The following ESR1 variants were observed in gnomAD, a reference collection of about 807,000 sequenced individuals.
ESR1 encodes estrogen receptor.
ESR1 carries 12 observed loss-of-function variants against 52.7 expected under a neutral mutation model. That is an observed-to-expected ratio of 0.23 (90% CI 0.15 to 0.37). The LOEUF is 0.37. Among genes scored for constraint, ESR1 ranks in the 10% least tolerant of loss-of-function variants. The pLI, the probability that ESR1 is intolerant of heterozygous loss-of-function variation, is 1.00. For missense variants in ESR1, 584 were observed against 779.7 expected (o/e 0.75, Z 2.99); for synonymous variants, 305 against 316.8 (o/e 0.96, Z 0.39).
chr6:151,955,014 G>A (rs118063905), intron 4 of ESR1, among the ~76,000 whole-genome samples: 2,999 of 152,260 alleles, frequency 0.02, 56 homozygotes, highest in East Asian at 0.091. Flanking sequence ...AGATTTACAA[G>A]TATGTAAATA....
At chr6:151,747,874 C>T (rs1489876179) in intron 2 of ESR1, among the ~76,000 whole-genome samples, 1 of 152,106 alleles carries the variant, frequency 6.6e-6, no homozygotes, top group Non-Finnish European at 1.5e-5. Context: ...ATTTTATTTT[C>T]TCATTCATGA....
At position 151,776,007 on chromosome 6, in the gene ESR1, A is replaced by T. The variant is rs115803285; in HGVS notation, c.-70-31836A>T. On this transcript the variant is annotated intron_variant, in intron 2 of 2. Transcript: ENST00000404742. ...TTCATGTAAGAATGAAGGTGAGCGG[A>T]TCTTAAATCCCTGAAAGGAGGCAGA... 5.6e-3 allele frequency among the ~76,000 whole-genome samples: 858 copies of T among 152,286 alleles called. 8 individuals are homozygous for T. Among genetic ancestry groups the T allele is most frequent in the African/African-American group, 0.02 (817 of 41,538 alleles).
At chr6:151,914,916 A>G (rs1488459100) in intron 3 of ESR1, among the ~76,000 whole-genome samples, 1 of 152,228 alleles carries the variant, frequency 6.6e-6, no homozygotes, top group Non-Finnish European at 1.5e-5. Context: ...TTTTTGATAA[A>G]TGTACTACAT....
At chr6:151,953,541 T>C (rs2036557873) in intron 4 of ESR1, among the ~76,000 whole-genome samples, 1 of 151,990 alleles carries the variant, frequency 6.6e-6, no homozygotes, top group Non-Finnish European at 1.5e-5. Flanking sequence ...GCCAACATGG[T>C]GAAACCCTGT....
chr6:151,701,404 C>T (rs1352741722), intron 1 of ESR1, among the ~76,000 whole-genome samples: 1 of 151,464 alleles, frequency 6.6e-6, no homozygotes, highest in Non-Finnish European at 1.5e-5. Context: ...TGGTGTGCGC[C>T]TGTAGTCCCA....
At chr6:151,913,597 T>A (rs1798612380) in intron 3 of ESR1, among the ~76,000 whole-genome samples, 1 of 152,210 alleles carries the variant, frequency 6.6e-6, no homozygotes, top group Non-Finnish European at 1.5e-5. Context: ...ACAATACCTA[T>A]GAAGATTAAT....
intron 2 of ESR1, among the ~76,000 whole-genome samples, chr6:151,733,176 C>A (rs1238878699): frequency 6.6e-6 from 1 of 152,172 alleles, no homozygotes; most frequent in South Asian, 2.1e-4. Context: ...TCCCATTTTA[C>A]AGTTGAGGAA....
intron 2 of ESR1, among the ~76,000 whole-genome samples, chr6:151,870,595 A>G (rs917927244): frequency 1.3e-5 from 2 of 152,166 alleles, no homozygotes; most frequent in Non-Finnish European, 2.9e-5. Flanking sequence ...CAAGTGAGTC[A>G]ACTTCTTGGA....
intron 1 of ESR1, among the ~76,000 whole-genome samples, chr6:151,835,326 G>A (rs1011755081): frequency 1.3e-5 from 2 of 152,166 alleles, no homozygotes; most frequent in African/African-American, 4.8e-5. Flanking sequence ...CCAGGGGAGG[G>A]GTGTGGGACA....
chr6:151,828,274 G>A (rs912078542), intron 1 of ESR1, among the ~76,000 whole-genome samples: 4 of 152,178 alleles, frequency 2.6e-5, no homozygotes, highest in Non-Finnish European at 5.9e-5. Context: ...TGCATTGGCT[G>A]CCTCCTATTT....
chr6:151,696,507 TAA>T (rs1241212298), intron 1 of ESR1, among the ~76,000 whole-genome samples: 2 of 151,150 alleles, frequency 1.3e-5, no homozygotes, highest in African/African-American at 2.4e-5. Flanking sequence ...AATAAATAAA[TAA>T]ATAAATAAAT....
intron 2 of ESR1, among the ~76,000 whole-genome samples, chr6:151,878,397 G>A (rs1040401072): frequency 8.5e-5 from 13 of 152,138 alleles, no homozygotes; most frequent in Non-Finnish European, 1.5e-4. Flanking sequence ...TAGTTTGCTG[G>A]TTTCTGTTAT....
chr6:151,915,117 C>A (rs927043030), intron 3 of ESR1, among the ~76,000 whole-genome samples: 1 of 151,740 alleles, frequency 6.6e-6, no homozygotes, highest in African/African-American at 2.4e-5. Context: ...ATTGCTTGAA[C>A]CAGGGAGTCG....
chr6:151,801,579 G>A (rs1265764067), upstream of ESR1, among the ~76,000 whole-genome samples: 1 of 152,188 alleles, frequency 6.6e-6, no homozygotes, highest in Non-Finnish European at 1.5e-5. Flanking sequence ...GTGATTCTTG[G>A]TCACAAATCA....
At chr6:151,862,661 G>A (rs190688684) in intron 2 of ESR1, among the ~76,000 whole-genome samples, 16 of 152,220 alleles carry the variant, frequency 1.1e-4, no homozygotes, top group East Asian at 7.7e-4. Context: ...AACAGACTGC[G>A]GTGTTCACCT....
intron 2 of ESR1, among the ~76,000 whole-genome samples, chr6:151,727,677 A>G (rs1483123560): frequency 6.6e-6 from 1 of 152,178 alleles, no homozygotes; most frequent in Non-Finnish European, 1.5e-5. Context: ...CTTGAATTGT[A>G]ATCTCCATAA....
chr6:152,106,989 C>T (rs948081037), downstream of ESR1, among the ~76,000 whole-genome samples: 2 of 152,182 alleles, frequency 1.3e-5, no homozygotes, highest in African/African-American at 2.4e-5. Context: ...TTTTGATGCT[C>T]ACCTGTATCT....
chr6:151,822,707 A>G (rs1257232249), intron 1 of ESR1, among the ~76,000 whole-genome samples: 3 of 152,198 alleles, frequency 2.0e-5, no homozygotes, highest in African/African-American at 7.2e-5. Context: ...GAGTTCTTAA[A>G]GGTGAGGGAG....
intron 5 of ESR1, among the ~76,000 whole-genome samples, chr6:152,058,404 G>A (rs9397482): frequency 0.11 from 17,019 of 152,064 alleles, 1,200 homozygotes; most frequent in East Asian, 0.33. Context: ...AATGCGCATG[G>A]CAGTTTTTTT....
Sources: allele counts gnomAD v4.1 joint callset (sites outside exome capture counted in the v4.1 genomes callset), GRCh38; gene constraint gnomAD v4.1.1; transcripts MANE v1.5; gene names NCBI Gene and HGNC (gene_info 2026-07-23, HGNC 2026-07-21).